The following ERICH6B variants were observed in gnomAD, a reference collection of about 807,000 sequenced individuals.
ERICH6B encodes glutamate-rich protein 6B.
Under a neutral mutation model 80.0 loss-of-function variants are expected in ERICH6B, and 69 were observed. The observed-to-expected ratio is 0.86, with a 90% CI of 0.71 to 1.05. The LOEUF is 1.05. Among genes scored for constraint, ERICH6B ranks in the 50% least tolerant of loss-of-function variants. The pLI, the probability that ERICH6B is intolerant of heterozygous loss-of-function variation, is 0.00. For missense variants in ERICH6B, 754 were observed against 796.1 expected (o/e 0.95, Z 0.64); for synonymous variants, 283 against 291.9 (o/e 0.97, Z 0.31).
In ERICH6B at chr13:45,568,825, C is replaced by A. The variant is rs114956350; in HGVS notation, c.1051-374G>T. The stretch of plus-strand genomic sequence containing the variant: ...AAGAGTATTTCCATTATCATCATAT[C>A]CTCTTCTTGTTCCTCAATTTCCTTA... On this transcript the variant is annotated intron_variant, in intron 8 of 14. Transcript: ENST00000298738. Among the ~76,000 whole-genome samples the A allele has an allele frequency of 1.9e-3, 288 of 151,132 alleles. 2 individuals carry two copies. Among genetic ancestry groups the A allele is most frequent in the African/African-American group, 6.9e-3 (279 of 40,466 alleles).
intron 2 of ERICH6B, among the ~76,000 whole-genome samples, chr13:45,606,379 A>G (rs1949859655): frequency 6.6e-6 from 1 of 150,760 alleles, no homozygotes; most frequent in South Asian, 2.1e-4. Context: ...TCTACCCACT[A>G]ACTGTGCTGA....
intron 11 of ERICH6B, among the ~76,000 whole-genome samples, chr13:45,556,946 A>G (rs1028118135): frequency 2.0e-5 from 3 of 152,166 alleles, no homozygotes; most frequent in African/African-American, 7.2e-5. Flanking sequence ...TCCTCTGGGT[A>G]AATACTCAGT....
chr13:45,541,588 CAGA>C lies in ERICH6B; in HGVS notation c.1962_1964del (p.Leu655del), dbSNP rs936086002. 6 of 1,551,756 alleles carry C rather than the reference CAGA, an allele frequency of 3.9e-6. No homozygotes were observed. The highest frequency in any genetic ancestry group is 5.2e-6 in the Non-Finnish European group (6 of 1,147,048). On this transcript the variant is annotated inframe_deletion, in exon 15 of 15. Transcript: ENST00000298738. ...AATTCAGGAGCCTATTCATTTTCCC[CAGA>C]AGGACCCGGATCTTCTGGGCTGTTG...
Position 45,581,062 on chromosome 13 carries a change from C to T in ERICH6B, c.857-397G>A, listed in dbSNP as rs569740309. On this transcript the variant is annotated intron_variant, in intron 5 of 14. Coordinates refer to ENST00000298738, the MANE Select transcript of ERICH6B (RefSeq NM_182542.3). Reference sequence around the variant, plus strand: ...TCCAAGGCCATGTAGACACACAATGCGGTGTGCCTGTCACTGTACAAAGTA... The same window carrying T: ...TCCAAGGCCATGTAGACACACAATGTGGTGTGCCTGTCACTGTACAAAGTA... 8.3e-4 allele frequency among the ~76,000 whole-genome samples: 126 copies of T among 152,246 alleles called. 1 individual carries two copies. In the South Asian group the frequency reaches 0.025, roughly 30 times the overall value.
At chr13:45,598,130 C>T (rs965713810) in intron 2 of ERICH6B, among the ~76,000 whole-genome samples, 2 of 152,182 alleles carry the variant, frequency 1.3e-5, no homozygotes, top group Admixed American at 6.5e-5. Flanking sequence ...TCCTTCCCTG[C>T]CCCCACCCTG....
At chr13:45,573,119 A>G (rs957551586) in intron 8 of ERICH6B, among the ~76,000 whole-genome samples, 10 of 152,056 alleles carry the variant, frequency 6.6e-5, no homozygotes, top group African/African-American at 2.4e-4. Flanking sequence ...TTGCATTTGT[A>G]TGTAATAATA....
chr13:45,573,380 C>T (rs537297228), intron 8 of ERICH6B, among the ~76,000 whole-genome samples: 5 of 152,148 alleles, frequency 3.3e-5, no homozygotes, highest in East Asian at 3.9e-4. Context: ...TGTGTATATG[C>T]GTTAAAATTT....
Position 45,550,215 on chromosome 13 carries a change from G to A in ERICH6B, c.1493+16C>T. 6.5e-7 allele frequency: 1 copy of A among 1,548,762 alleles called. No homozygotes were observed. Among genetic ancestry groups the A allele is most frequent in the South Asian group, 1.2e-5 (1 of 83,920 alleles). ...AATATATGTCAATACGAGCATCCCT[G>A]TGCTTCTGTGGATACTGTATCTGGC... is the stretch of plus-strand genomic sequence containing the variant. On this transcript the variant is annotated intron_variant, in intron 12 of 14. Transcript: ENST00000298738.
chr13:45,599,446 C>T (rs1949812000), intron 2 of ERICH6B, among the ~76,000 whole-genome samples: 1 of 152,176 alleles, frequency 6.6e-6, no homozygotes, highest in South Asian at 2.1e-4. Context: ...ATGAATAGAA[C>T]CATTCTACAA....
At chr13:45,612,710 G>A (rs1393192098) in intron 1 of ERICH6B, among the ~76,000 whole-genome samples, 1 of 152,144 alleles carries the variant, frequency 6.6e-6, no homozygotes, top group Non-Finnish European at 1.5e-5. Context: ...AAGAATCAAG[G>A]GCAGCTGCCT....
intron 2 of ERICH6B, among the ~76,000 whole-genome samples, chr13:45,605,982 AT>A (rs1284543395): frequency 6.6e-6 from 1 of 152,250 alleles, no homozygotes; most frequent in Non-Finnish European, 1.5e-5. Context: ...CATATTTGAT[AT>A]TCAATGTCTG....
chr13:45,587,292 T>C, intron 4 of ERICH6B, 60 bp from the exon 5 acceptor site: 1 of 1,482,310 alleles, frequency 6.7e-7, no homozygotes, highest in South Asian at 1.3e-5. Flanking sequence ...AGGAACCCCT[T>C]CTAAGGCATG....
Position 45,550,285 on chromosome 13 carries a change from T to C in ERICH6B, c.1439A>G (p.Tyr480Cys), listed in dbSNP as rs1359790068. Reference sequence around the variant, plus strand: ...AATTTGATAGACATTCTTGTTGGGGTAGAGAATTAATTTTCCATCACCTTG... The same window carrying C: ...AATTTGATAGACATTCTTGTTGGGGCAGAGAATTAATTTTCCATCACCTTG... ...VHQGDGKLIL[Y>C]PNKNVYQILF... Residue 480 changes from tyrosine (Y) to cysteine (C), a missense_variant, in exon 12 of 15, where the codon TAC (tyrosine) becomes TGC (cysteine). By Grantham distance (194) the Tyr-to-Cys change is radical. Transcript: ENST00000298738. The C allele has an allele frequency of 6.4e-7, 1 of 1,551,524 alleles. No homozygotes were observed. The highest frequency in any genetic ancestry group is 1.2e-5 in the South Asian group (1 of 84,044).
intron 5 of ERICH6B, among the ~76,000 whole-genome samples, 158 bp from the exon 6 acceptor site, chr13:45,580,823 G>A (rs946652078): frequency 2.0e-5 from 3 of 152,144 alleles, no homozygotes; most frequent in Non-Finnish European, 2.9e-5. Context: ...GGCATATATA[G>A]ATGCCCCACT....
chr13:45,561,615 G>T, intron 10 of ERICH6B, 89 bp from the exon 11 acceptor site: 1 of 1,431,620 alleles, frequency 7.0e-7, no homozygotes, highest in Non-Finnish European at 9.4e-7. Context: ...GGTGCCAAAG[G>T]GAGTTTGAGG....
intron 2 of ERICH6B, among the ~76,000 whole-genome samples, chr13:45,601,062 T>G (rs1378344331): frequency 6.6e-6 from 1 of 152,204 alleles, no homozygotes; most frequent in Non-Finnish European, 1.5e-5. Flanking sequence ...TGAATCTCCC[T>G]TACCCCTGAT....
At chr13:45,547,304 C>T (rs1874031813) in intron 13 of ERICH6B, among the ~76,000 whole-genome samples, 1 of 152,218 alleles carries the variant, frequency 6.6e-6, no homozygotes, top group Non-Finnish European at 1.5e-5. Context: ...GGAGCAGATC[C>T]TGCTAGCTTT....
chr13:45,566,099 C>A (rs1286494592), intron 9 of ERICH6B, among the ~76,000 whole-genome samples: 1 of 152,138 alleles, frequency 6.6e-6, no homozygotes, highest in Non-Finnish European at 1.5e-5. Flanking sequence ...TTTGCCCCTG[C>A]CCTAGAGATT....
chr13:45,574,009 A>G (rs1008460961), intron 8 of ERICH6B, among the ~76,000 whole-genome samples: 4 of 152,254 alleles, frequency 2.6e-5, no homozygotes, highest in Non-Finnish European at 5.9e-5. Flanking sequence ...AGGCAAGTAT[A>G]GAATTTAGGA....
Sources: gnomAD v4.1 joint callset for allele counts (sites outside exome capture counted in the v4.1 genomes callset) on GRCh38, gnomAD v4.1.1 for gene constraint, MANE v1.5 for transcripts, NCBI Gene and HGNC (gene_info 2026-07-23, HGNC 2026-07-21) for gene names.